PDE4D: variants seen among roughly 807,000 people sequenced by gnomAD.
PDE4D encodes 3',5'-cyclic-AMP phosphodiesterase 4D.
PDE4D carries 24 observed loss-of-function variants against 87.4 expected under a neutral mutation model. That is an observed-to-expected ratio of 0.27 (90% CI 0.20 to 0.39). The LOEUF (loss-of-function observed/expected upper bound fraction) is 0.39, where lower values mean the gene tolerates loss of function less well. PDE4D is among the 10% of genes least tolerant of loss of function. PDE4D has a pLI of 1.00. For synonymous variants in PDE4D, 384 were observed against 383.2 expected, an observed-to-expected ratio of 1.00 and a Z score of -0.02; for missense variants, 714 against 1,041.0, an observed-to-expected ratio of 0.69 and a Z score of 4.32.
intron 1 of PDE4D, among the ~76,000 whole-genome samples, chr5:59,294,739 A>G (rs982585367): frequency 6.6e-6 from 1 of 152,214 alleles, no homozygotes; most frequent in African/African-American, 2.4e-5. Context: ...TTGTTCAATC[A>G]TTAGGATTCT....
At chr5:59,767,825 C>G (rs1217785058) in intron 1 of PDE4D, among the ~76,000 whole-genome samples, 1 of 152,178 alleles carries the variant, frequency 6.6e-6, no homozygotes, top group Non-Finnish European at 1.5e-5. Context: ...AAGTGGGGAT[C>G]ATGCAGAAAA....
At chr5:60,299,546 T>C (rs1288684296) in intron 1 of PDE4D, among the ~76,000 whole-genome samples, 2 of 152,028 alleles carry the variant, frequency 1.3e-5, no homozygotes, top group Non-Finnish European at 2.9e-5. Flanking sequence ...ATACTCTCCC[T>C]CTCCACAAGC....
At chr5:59,479,905 A>G (rs959058814) in intron 1 of PDE4D, among the ~76,000 whole-genome samples, 1 of 152,134 alleles carries the variant, frequency 6.6e-6, no homozygotes, top group African/African-American at 2.4e-5. Flanking sequence ...TGAGAGAATA[A>G]TCATGGCATA....
chr5:59,955,140 T>A (rs929344362), intron 3 of PDE4D, among the ~76,000 whole-genome samples: 1 of 152,192 alleles, frequency 6.6e-6, no homozygotes, highest in Non-Finnish European at 1.5e-5. Flanking sequence ...ATATAAGCTT[T>A]TATATATATA....
intron 1 of PDE4D, among the ~76,000 whole-genome samples, chr5:59,767,570 A>T (rs1762959171): frequency 6.6e-6 from 1 of 152,228 alleles, no homozygotes; most frequent in Admixed American, 6.5e-5. Flanking sequence ...ATTATAAAGA[A>T]GATAAAAATA....
At chr5:59,645,444 C>T (rs1742292308) in intron 1 of PDE4D, among the ~76,000 whole-genome samples, 1 of 152,192 alleles carries the variant, frequency 6.6e-6, no homozygotes, top group Non-Finnish European at 1.5e-5. Flanking sequence ...TTAGTTAGCA[C>T]TGGGGTGACT....
At chr5:59,564,713 T>C (rs186902187) in intron 1 of PDE4D, among the ~76,000 whole-genome samples, 31 of 152,210 alleles carry the variant, frequency 2.0e-4, no homozygotes, top group Non-Finnish European at 4.1e-4. Flanking sequence ...TGAGTGTTAG[T>C]GTATCCAGTC....
chr5:59,453,881 A>C (rs1799518612), intron 1 of PDE4D, among the ~76,000 whole-genome samples: 1 of 152,260 alleles, frequency 6.6e-6, no homozygotes. Context: ...AGAAGATGCC[A>C]TTTAGCACTT....
chr5:59,011,186 G>A (rs2153365471), intron 6 of PDE4D, among the ~76,000 whole-genome samples: 1 of 152,142 alleles, frequency 6.6e-6, no homozygotes, highest in East Asian at 1.9e-4. Context: ...CACAAAGATG[G>A]GGAGAAACCA....
chr5:59,404,189 T>C (rs940367265), intron 1 of PDE4D, among the ~76,000 whole-genome samples: 4 of 152,216 alleles, frequency 2.6e-5, no homozygotes, highest in African/African-American at 9.6e-5. Context: ...TCCTAATATA[T>C]TCTGGATATT....
chr5:60,334,268 A>T (rs1210819301), intron 1 of PDE4D, among the ~76,000 whole-genome samples: 1 of 152,212 alleles, frequency 6.6e-6, no homozygotes, highest in East Asian at 1.9e-4. Flanking sequence ...ATTGATTACT[A>T]GTGCCCTACT....
At chr5:59,175,771 C>T (rs1783761286) in intron 5 of PDE4D, among the ~76,000 whole-genome samples, 1 of 145,268 alleles carries the variant, frequency 6.9e-6, no homozygotes, top group Non-Finnish European at 1.5e-5. Context: ...AGCCACCATG[C>T]CCGGCCTCCA....
intron 5 of PDE4D, among the ~76,000 whole-genome samples, chr5:59,071,933 C>T (rs1229086298): frequency 6.6e-6 from 1 of 152,058 alleles, no homozygotes; most frequent in African/African-American, 2.4e-5. Flanking sequence ...AGGTAATCCC[C>T]CCGCCTTGGC....
chr5:59,652,219 C>A (rs1743628893), intron 1 of PDE4D, among the ~76,000 whole-genome samples: 1 of 152,160 alleles, frequency 6.6e-6, no homozygotes, highest in South Asian at 2.1e-4. Context: ...CAATCTTCTT[C>A]TCTTGGAAAC....
At chr5:60,290,802 G>A (rs773199418) in intron 1 of PDE4D, among the ~76,000 whole-genome samples, 2 of 152,072 alleles carry the variant, frequency 1.3e-5, no homozygotes, top group Admixed American at 6.5e-5. Flanking sequence ...GTGAGACCCT[G>A]TCTCAAAAAT....
At chr5:59,302,141 G>A (rs1484480998) in intron 1 of PDE4D, among the ~76,000 whole-genome samples, 3 of 152,016 alleles carry the variant, frequency 2.0e-5, no homozygotes, top group Admixed American at 6.6e-5. Context: ...GCCACCAAAC[G>A]GCACATGCAG....
intron 6 of PDE4D, among the ~76,000 whole-genome samples, chr5:59,024,440 G>C (rs1180855808): frequency 6.6e-6 from 1 of 151,190 alleles, no homozygotes; most frequent in Non-Finnish European, 1.5e-5. Context: ...CGCGTGATCT[G>C]CTCTCCTCTG....
intron 1 of PDE4D, among the ~76,000 whole-genome samples, chr5:59,517,070 T>C (rs932486069): frequency 6.6e-6 from 1 of 152,204 alleles, no homozygotes; most frequent in South Asian, 2.1e-4. Flanking sequence ...CTTCCAATGT[T>C]TGAACTTAAT....
Position 60,417,517 on chromosome 5 carries a change from C to T in PDE4D, c.-90+70425G>A, listed in dbSNP as rs186740466. Among the ~76,000 whole-genome samples the T allele has an allele frequency of 5.3e-5, 8 of 152,276 alleles. No individual in the cohort carries two copies. In the East Asian group the frequency reaches 5.8e-4, roughly 11 times the overall value. ...TCTCAGAGGAAAAATCAACTACATT[C>T]GCAACATCTTTTCAAGCCATTCAGT... is the stretch of plus-strand genomic sequence containing the variant. On this transcript the variant is annotated intron_variant, in intron 1 of 16. Transcript: ENST00000502484.
Sources: gnomAD v4.1 joint callset for allele counts (sites outside exome capture counted in the v4.1 genomes callset) on GRCh38, gnomAD v4.1.1 for gene constraint, MANE v1.5 for transcripts, NCBI Gene and HGNC (gene_info 2026-07-23, HGNC 2026-07-21) for gene names.